Variants in EMID1 observed in about 807,000 individuals in gnomAD.
The protein encoded by EMID1 is EMI domain containing 1.
In EMID1, 40 loss-of-function variants were observed where a neutral mutation model predicts 60.6. The ratio of observed to expected loss-of-function variants is 0.66; its 90% confidence interval spans 0.51 to 0.86. The LOEUF (loss-of-function observed/expected upper bound fraction) is 0.86, where lower values mean the gene tolerates loss of function less well. Among genes scored for constraint, EMID1 ranks in the 40% least tolerant of loss-of-function variants. EMID1 has a pLI of 0.00. For missense variants in EMID1, 585 were observed against 597.1 expected, an observed-to-expected ratio of 0.98 and a Z score of 0.21; for synonymous variants, 242 against 231.0, an observed-to-expected ratio of 1.05 and a Z score of -0.43.
intron 13 of EMID1, among the ~76,000 whole-genome samples, chr22:29,252,699 G>A (rs2041571342): frequency 6.6e-6 from 1 of 152,202 alleles, no homozygotes; most frequent in Admixed American, 6.5e-5. Context: ...CCCAGAGCTG[G>A]TGGCCTTGGA....
chr22:29,254,990 C>G (rs143813102), intron 14 of EMID1, among the ~76,000 whole-genome samples: 1 of 152,048 alleles, frequency 6.6e-6, no homozygotes, highest in Non-Finnish European at 1.5e-5. Flanking sequence ...GTCCTCCTAA[C>G]CTGTTCTGTT....
chr22:29,256,523 G>A lies in EMID1; in HGVS notation c.1204+2236G>A, dbSNP rs1363956863. Among the ~76,000 whole-genome samples, 3 of 151,638 alleles carry A rather than the reference G, an allele frequency of 2.0e-5. No individual in the cohort carries two copies. The South Asian group carries it at 6.3e-4, about 32-fold the overall frequency. On this transcript the variant is annotated intron_variant, in intron 14 of 14. Coordinates refer to ENST00000334018, the MANE Select transcript of EMID1 (RefSeq NM_133455.4). ...GATCCCAAGCAGGAAGAAGGGTTAA[G>A]GTTAGAGCCCAGCCTCCTTCATCCA...
At chr22:29,219,468 C>T (rs187452703) in intron 3 of EMID1, among the ~76,000 whole-genome samples, 22 of 152,142 alleles carry the variant, frequency 1.4e-4, no homozygotes, top group African/African-American at 4.8e-4. Context: ...GACACTTGCC[C>T]GAGGTCGACC....
intron 13 of EMID1, among the ~76,000 whole-genome samples, chr22:29,248,259 C>CTTTTTTTTT (rs33924066): frequency 8.6e-6 from 1 of 116,088 alleles, no homozygotes. Context: ...GTGCCTGGCC[C>CTTTTTTTTT]TTTTTTTTTT....
Position 29,207,149 on chromosome 22 carries a change from GC to G in EMID1, c.101+1012del, listed in dbSNP as rs1211573805. On this transcript the variant is annotated intron_variant, in intron 1 of 14. Coordinates refer to ENST00000334018, the MANE Select transcript of EMID1 (RefSeq NM_133455.4). The stretch of plus-strand genomic sequence containing the variant: ...AATTCTCCTTTCCCAGTGGTCAGGG[GC>G]CAGCATGCCCCTGCTGGGCTAGCAA... 3.3e-5 allele frequency among the ~76,000 whole-genome samples: 5 copies of G among 152,208 alleles called. No homozygotes were observed. In the East Asian group the frequency reaches 7.7e-4, roughly 23 times the overall value.
At chr22:29,234,633 G>A (rs140738828) in intron 12 of EMID1, among the ~76,000 whole-genome samples, 218 of 152,106 alleles carry the variant, frequency 1.4e-3, no homozygotes, top group African/African-American at 5.1e-3. Flanking sequence ...TCTGATTGTA[G>A]ATCTGTTCAT....
rs1363964389 is a variant in EMID1, at chr22:29,229,666, G to A, written c.466-1354G>A. On this transcript the variant is annotated intron_variant, in intron 5 of 14. Transcript: ENST00000334018. ...CTCAAAAAAAAAAAAAAAAGAAGAT[G>A]CCCCTGATTTATCAAATGGGAAAAC... is the stretch of plus-strand genomic sequence containing the variant. 4.7e-5 allele frequency among the ~76,000 whole-genome samples: 7 copies of A among 148,750 alleles called. No homozygotes were observed. The East Asian group carries it at 1.2e-3, about 25-fold the overall frequency.
intron 13 of EMID1, among the ~76,000 whole-genome samples, chr22:29,252,112 G>A (rs1209849881): frequency 6.6e-6 from 1 of 152,194 alleles, no homozygotes; most frequent in East Asian, 1.9e-4. Context: ...CCTAGCGAAG[G>A]TCATTCATTT....
At chr22:29,229,393 C>G (rs899328567) in intron 5 of EMID1, among the ~76,000 whole-genome samples, 29 of 152,098 alleles carry the variant, frequency 1.9e-4, no homozygotes, top group Non-Finnish European at 4.1e-4. Flanking sequence ...CCTGTAATCC[C>G]AGCACTTTGG....
At chr22:29,217,975 G>A (rs192078727) in intron 3 of EMID1, among the ~76,000 whole-genome samples, 584 of 152,248 alleles carry the variant, frequency 3.8e-3, no homozygotes, top group Non-Finnish European at 6.3e-3. Context: ...TGGGCCAAAG[G>A]AGGAGAGGGA....
At chr22:29,229,512 G>T (rs948261716) in intron 5 of EMID1, among the ~76,000 whole-genome samples, 1 of 151,876 alleles carries the variant, frequency 6.6e-6, no homozygotes. Context: ...GCTTGGTGGC[G>T]CATGCCTGTA....
At chr22:29,210,034 G>A (rs1261209301) in intron 1 of EMID1, among the ~76,000 whole-genome samples, 1 of 152,024 alleles carries the variant, frequency 6.6e-6, no homozygotes, top group African/African-American at 2.4e-5. Flanking sequence ...GCTGATGCTA[G>A]GAGTCCTGGG....
At chr22:29,246,168 T>C (rs2041325199) in intron 13 of EMID1, among the ~76,000 whole-genome samples, 1 of 152,214 alleles carries the variant, frequency 6.6e-6, no homozygotes, top group Non-Finnish European at 1.5e-5. Flanking sequence ...GCAAAGGCCC[T>C]GTGGCAAGAG....
intron 3 of EMID1, among the ~76,000 whole-genome samples, chr22:29,222,521 A>G (rs2040338225): frequency 1.3e-5 from 2 of 149,718 alleles, no homozygotes; most frequent in South Asian, 4.2e-4. Context: ...CTCCTGCCTC[A>G]GCCTCCCAAG....
chr22:29,256,028 G>A (rs1319732058), intron 14 of EMID1, among the ~76,000 whole-genome samples: 3 of 152,140 alleles, frequency 2.0e-5, no homozygotes, highest in Admixed American at 2.0e-4. Flanking sequence ...CCATGAAACT[G>A]GAGCCTGTGG....
chr22:29,224,542 C>G (rs2040427215), intron 3 of EMID1, among the ~76,000 whole-genome samples: 1 of 152,204 alleles, frequency 6.6e-6, no homozygotes, highest in African/African-American at 2.4e-5. Flanking sequence ...AGGCAGCCAG[C>G]CTCCCTCTGG....
intron 12 of EMID1, among the ~76,000 whole-genome samples, chr22:29,236,865 C>T (rs1601997920): frequency 6.7e-6 from 1 of 150,170 alleles, no homozygotes; most frequent in African/African-American, 2.5e-5. Flanking sequence ...GGCTGGATCT[C>T]GGCTCACTAC....
intron 12 of EMID1, 57 bp from the exon 13 acceptor site, chr22:29,243,388 C>A (rs189114729): frequency 6.4e-7 from 1 of 1,561,284 alleles, no homozygotes; most frequent in Non-Finnish European, 8.8e-7. Context: ...CTTTTTTTCC[C>A]GTCCCTTTCT....
At chr22:29,237,787 C>T (rs1419739052) in intron 12 of EMID1, among the ~76,000 whole-genome samples, 1 of 131,404 alleles carries the variant, frequency 7.6e-6, no homozygotes, top group Non-Finnish European at 1.6e-5. Flanking sequence ...GGCAACAGAG[C>T]GAGACTCCGT....
Sources: allele counts gnomAD v4.1 joint callset (sites outside exome capture counted in the v4.1 genomes callset), GRCh38; gene constraint gnomAD v4.1.1; transcripts MANE v1.5; gene names NCBI Gene and HGNC (gene_info 2026-07-23, HGNC 2026-07-21).